The following SEMA3E variants were observed in gnomAD, a reference collection of about 807,000 sequenced individuals.
SEMA3E encodes semaphorin-3E.
Under a neutral mutation model 93.6 loss-of-function variants are expected in SEMA3E, and 49 were observed. The ratio of observed to expected loss-of-function variants is 0.52; its 90% CI spans 0.42 to 0.66. SEMA3E has a LOEUF of 0.66. SEMA3E is among the 30% of genes least tolerant of loss of function. The probability of loss-of-function intolerance (pLI) is 0.00; values close to 1 mark genes in which losing one functional copy is unlikely to be tolerated. For missense variants in SEMA3E, 906 were observed against 964.8 expected (o/e 0.94, Z 0.81); for synonymous variants, 363 against 330.7 (o/e 1.10, Z -1.06).
chr7:83,546,499 A>G (rs919401681), intron 1 of SEMA3E, among the ~76,000 whole-genome samples: 1 of 151,844 alleles, frequency 6.6e-6, no homozygotes, highest in African/African-American at 2.4e-5. Context: ...GGAGAAGACA[A>G]AGACAAAACA....
At chr7:83,474,999 A>G (rs1004241697) in intron 2 of SEMA3E, among the ~76,000 whole-genome samples, 4 of 149,780 alleles carry the variant, frequency 2.7e-5, no homozygotes, top group Non-Finnish European at 4.4e-5. Flanking sequence ...CATATTTATT[A>G]TATATATATA....
chr7:83,485,468 T>C (rs1293390023), intron 2 of SEMA3E, among the ~76,000 whole-genome samples: 1 of 152,166 alleles, frequency 6.6e-6, no homozygotes, highest in Non-Finnish European at 1.5e-5. Context: ...TGCTCCCAAT[T>C]CACTATGGTA....
intron 1 of SEMA3E, among the ~76,000 whole-genome samples, chr7:83,581,228 A>G (rs1007659674): frequency 7.9e-5 from 12 of 151,976 alleles, no homozygotes; most frequent in African/African-American, 2.7e-4. Context: ...CTCAACACGT[A>G]TTTACCAAAT....
intron 1 of SEMA3E, among the ~76,000 whole-genome samples, chr7:83,528,878 G>C (rs2115716895): frequency 6.6e-6 from 1 of 152,124 alleles, no homozygotes; most frequent in African/African-American, 2.4e-5. Flanking sequence ...TAGTCTTTTA[G>C]ATTTTTTAAT....
chr7:83,510,923 T>C (rs1790804600), intron 1 of SEMA3E, among the ~76,000 whole-genome samples: 1 of 152,240 alleles, frequency 6.6e-6, no homozygotes, highest in South Asian at 2.1e-4. Context: ...ATATGTATAA[T>C]ATCACACTTT....
chr7:83,440,013 C>T (rs1029657777), intron 4 of SEMA3E, among the ~76,000 whole-genome samples: 4 of 152,158 alleles, frequency 2.6e-5, no homozygotes, highest in African/African-American at 9.7e-5. Context: ...CTGTGCACAG[C>T]GTATGTTAAT....
chr7:83,614,597 A>G (rs1168478037), intron 1 of SEMA3E, among the ~76,000 whole-genome samples: 1 of 152,132 alleles, frequency 6.6e-6, no homozygotes, highest in Non-Finnish European at 1.5e-5. Flanking sequence ...AAAACAACAG[A>G]CTTTTATTTC....
chr7:83,535,142 G>C (rs901795590), intron 1 of SEMA3E, among the ~76,000 whole-genome samples: 1 of 152,120 alleles, frequency 6.6e-6, no homozygotes, highest in African/African-American at 2.4e-5. Flanking sequence ...GTGTGAATCT[G>C]CTGGAATTTT....
intron 2 of SEMA3E, among the ~76,000 whole-genome samples, chr7:83,477,990 G>A (rs1005252719): frequency 4.0e-5 from 6 of 151,300 alleles, no homozygotes; most frequent in African/African-American, 1.5e-4. Flanking sequence ...GCACAATCTC[G>A]GCTCACTGCA....
intron 1 of SEMA3E, among the ~76,000 whole-genome samples, chr7:83,536,668 A>G (rs1791415583): frequency 6.6e-6 from 1 of 152,174 alleles, no homozygotes; most frequent in African/African-American, 2.4e-5. Flanking sequence ...AGCTAAATGA[A>G]TATAAATATT....
At chr7:83,538,445 G>T (rs959084286) in intron 1 of SEMA3E, among the ~76,000 whole-genome samples, 2 of 152,092 alleles carry the variant, frequency 1.3e-5, no homozygotes, top group Non-Finnish European at 2.9e-5. Context: ...GTTATGTTGA[G>T]CATCTTTTCA....
At chr7:83,519,700 A>C (rs1054049250) in intron 1 of SEMA3E, among the ~76,000 whole-genome samples, 2 of 152,104 alleles carry the variant, frequency 1.3e-5, no homozygotes, top group African/African-American at 4.8e-5. Context: ...TGTTTTTCTT[A>C]TCTTTAGCCC....
At chr7:83,420,832 T>C (rs979895250) in intron 4 of SEMA3E, among the ~76,000 whole-genome samples, 3 of 152,078 alleles carry the variant, frequency 2.0e-5, no homozygotes, top group Non-Finnish European at 4.4e-5. Context: ...TCAATATGGA[T>C]TAAAGATTTA....
In SEMA3E at chr7:83,521,383, G is replaced by C. The variant is rs138029906; in HGVS notation, c.116-31109C>G. Reference sequence around the variant, plus strand: ...ATGAATACGAGAAAATTACATATAGGATGGCTCAGAAATTGCATTATTGTT... The same window carrying C: ...ATGAATACGAGAAAATTACATATAGCATGGCTCAGAAATTGCATTATTGTT... On this transcript the variant is annotated intron_variant, in intron 1 of 16. Transcript: ENST00000643230. 6.6e-4 allele frequency among the ~76,000 whole-genome samples: 101 copies of C among 152,204 alleles called. 2 individuals carry two copies. In the South Asian group the frequency reaches 0.013, roughly 20 times the overall value.
intron 1 of SEMA3E, among the ~76,000 whole-genome samples, chr7:83,613,174 C>A (rs776407456): frequency 9.9e-4 from 150 of 152,150 alleles, no homozygotes; most frequent in Non-Finnish European, 1.5e-3. Context: ...CCTATCACAA[C>A]TACTCTATAG....
Position 83,423,744 on chromosome 7 carries a change from C to T in SEMA3E, c.457-5261G>A, listed in dbSNP as rs1331960398. ...GCCAGGATGGTCCCGATCTCCTGAC[C>T]TCGTGATCCCCCTGCCTTGGCCTCC... On this transcript the variant is annotated intron_variant, in intron 4 of 16. Transcript: ENST00000643230. Among the ~76,000 whole-genome samples the T allele has an allele frequency of 2.6e-5, 4 of 151,844 alleles. No individual in the cohort carries two copies. In the East Asian group the frequency reaches 5.8e-4, roughly 22 times the overall value.
chr7:83,454,958 G>A (rs1289763690), intron 4 of SEMA3E, among the ~76,000 whole-genome samples: 1 of 152,146 alleles, frequency 6.6e-6, no homozygotes, highest in African/African-American at 2.4e-5. Context: ...TTTGTGTAAA[G>A]TATCTACATA....
intron 4 of SEMA3E, among the ~76,000 whole-genome samples, chr7:83,432,851 T>C (rs1427708787): frequency 1.3e-5 from 2 of 152,130 alleles, no homozygotes; most frequent in African/African-American, 2.4e-5. Flanking sequence ...AACATAAACA[T>C]TGATCAATAC....
rs1379059551 is a variant in SEMA3E at position 83,367,470 on chromosome 7, T to C, written c.*116A>G. ...ATTTATTATAACACCTTCATAGTCATTCCTGTATTACAGAAATCTCTTTTA... is the reference window on the plus strand; with the variant it reads ...ATTTATTATAACACCTTCATAGTCACTCCTGTATTACAGAAATCTCTTTTA... On this transcript the variant is annotated 3_prime_UTR_variant, in exon 17 of 17. Transcript: ENST00000643230. The C allele has an allele frequency of 3.9e-6, 4 of 1,030,922 alleles. No individual in the cohort carries two copies. Among genetic ancestry groups the C allele is most frequent in the South Asian group, 1.3e-5 (1 of 77,570 alleles). 63.9% of individuals were successfully genotyped at this position (1,030,922 alleles called of 1,614,324 possible).
Sources: gnomAD v4.1 joint callset for allele counts (sites outside exome capture counted in the v4.1 genomes callset) on GRCh38, gnomAD v4.1.1 for gene constraint, MANE v1.5 for transcripts, NCBI Gene and HGNC (gene_info 2026-07-23, HGNC 2026-07-21) for gene names.